ANKFY1: variants seen among roughly 807,000 people sequenced by gnomAD.
ANKFY1 encodes ankyrin repeat and FYVE domain containing 1, also known as ankyrin repeat and FYVE domain-containing protein 1.
In ANKFY1, 47 loss-of-function variants were observed where a neutral mutation model predicts 128.3. The observed-to-expected ratio is 0.37, with a 90% confidence interval of 0.29 to 0.47. ANKFY1 has a LOEUF of 0.47. Among genes scored for constraint, ANKFY1 ranks in the 20% least tolerant of loss-of-function variants. The probability of loss-of-function intolerance (pLI) is 1.00; values close to 1 mark genes in which losing one functional copy is unlikely to be tolerated. For missense variants in ANKFY1, 1,222 were observed against 1,510.6 expected, an observed-to-expected ratio of 0.81 and a Z score of 3.17; for synonymous variants, 553 against 601.6, an observed-to-expected ratio of 0.92 and a Z score of 1.18.
chr17:4,193,587 C>T (rs4790590), intron 10 of ANKFY1, among the ~76,000 whole-genome samples: 75,183 of 151,424 alleles, frequency 0.5, 20,838 homozygotes, highest in East Asian at 0.75. Context: ...CCATCACGCC[C>T]GGCTAATTTT....
intron 4 of ANKFY1, among the ~76,000 whole-genome samples, chr17:4,210,887 C>A (rs1213792761): frequency 1.3e-5 from 2 of 151,226 alleles, no homozygotes; most frequent in Non-Finnish European, 2.9e-5. Context: ...CAAAAATTAG[C>A]CGGGCATGGT....
At chr17:4,259,494 C>T (rs1019761123) in intron 1 of ANKFY1, among the ~76,000 whole-genome samples, 9 of 152,180 alleles carry the variant, frequency 5.9e-5, no homozygotes, top group Non-Finnish European at 1.3e-4. Flanking sequence ...GTTGGTCAGG[C>T]TGGTCTGGAA....
intron 1 of ANKFY1, among the ~76,000 whole-genome samples, chr17:4,257,515 A>C (rs1968190786): frequency 1.3e-5 from 2 of 152,012 alleles, no homozygotes; most frequent in African/African-American, 4.8e-5. Flanking sequence ...CCTCTCCTCA[A>C]TCTCATGTCC....
chr17:4,241,797 A>G (rs549314589), intron 2 of ANKFY1, among the ~76,000 whole-genome samples: 1 of 151,830 alleles, frequency 6.6e-6, no homozygotes, highest in Non-Finnish European at 1.5e-5. Flanking sequence ...AGAGACACAA[A>G]TCTTGCCTCG....
intron 3 of ANKFY1, chr17:4,223,256 C>T: frequency 1.2e-6 from 1 of 838,692 alleles, no homozygotes; most frequent in South Asian, 1.4e-5. Flanking sequence ...GGTGACACTG[C>T]CTTACATGAA....
intron 11 of ANKFY1, 80 bp downstream of exon 11, chr17:4,189,302 C>T (rs1598039557): frequency 2.4e-6 from 3 of 1,225,292 alleles, no homozygotes; most frequent in Admixed American, 4.5e-5. Context: ...ACCACCTATT[C>T]CCCTTTTTCC....
In ANKFY1 at chr17:4,165,197, C is replaced by CTGTT. The variant is rs1343096128; in HGVS notation, c.*2578_*2581dup. On this transcript the variant is annotated 3_prime_UTR_variant, in exon 25 of 25. Coordinates refer to ENST00000341657, the MANE Select transcript of ANKFY1 (RefSeq NM_001330063.2). ...TTTTAAAAACAACGACAACAAAAGA[C>CTGTT]TGTTAGGAATACACTGGATAATAAA... 2.6e-5 allele frequency: 4 copies of CTGTT among 152,190 alleles called. No homozygotes were observed. Among genetic ancestry groups the CTGTT allele is most frequent in the Admixed American group, 1.3e-4 (2 of 15,276 alleles). The allele number at this position is 152,190 out of a possible 1,614,324, so 9.4% of individuals were successfully genotyped here.
chr17:4,211,198 G>A (rs2060124007), intron 4 of ANKFY1, among the ~76,000 whole-genome samples: 1 of 151,940 alleles, frequency 6.6e-6, no homozygotes, highest in Non-Finnish European at 1.5e-5. Context: ...GAGCTCAGGA[G>A]GTCGTGACCA....
intron 10 of ANKFY1, chr17:4,194,319 C>T (rs1328509853): frequency 1.3e-5 from 2 of 150,932 alleles, no homozygotes; most frequent in Non-Finnish European, 2.9e-5. Flanking sequence ...AAAGGGGCCA[C>T]CCTGGTCTCA....
chr17:4,178,585 C>G lies in ANKFY1; in HGVS notation c.2598+272G>C, dbSNP rs188550989. ...ACCTAGCAAAAGCAAAGAATGAGCTCAACTGTACATGCCACAGAATTCCTA... is the reference window on the plus strand; with the variant it reads ...ACCTAGCAAAAGCAAAGAATGAGCTGAACTGTACATGCCACAGAATTCCTA... On this transcript the variant is annotated intron_variant, in intron 18 of 24. Coordinates refer to ENST00000341657, the MANE Select transcript of ANKFY1 (RefSeq NM_001330063.2). This position sits in a 1 kb window ranked among gnomAD's most constrained non-coding sequence, Gnocchi z 4.1. 1 of 505,284 alleles carries G rather than the reference C, an allele frequency of 2.0e-6. No homozygotes were observed. Among genetic ancestry groups the G allele is most frequent in the Admixed American group, 3.2e-5 (1 of 31,062 alleles). The allele number at this position is 505,284 out of a possible 1,614,324, so 31.3% of individuals were successfully genotyped here.
intron 3 of ANKFY1, among the ~76,000 whole-genome samples, chr17:4,227,648 T>C (rs1478948999): frequency 6.6e-6 from 1 of 152,124 alleles, no homozygotes; most frequent in African/African-American, 2.4e-5. Flanking sequence ...CTAAATTATA[T>C]ACAGAACTGT....
intron 3 of ANKFY1, among the ~76,000 whole-genome samples, chr17:4,220,422 C>T (rs1158665609): frequency 2.6e-5 from 4 of 152,202 alleles, no homozygotes; most frequent in African/African-American, 7.2e-5. Flanking sequence ...CAGCTCGTTC[C>T]TATCTGCTGA....
chr17:4,236,600 G>A (rs922026486), intron 2 of ANKFY1, among the ~76,000 whole-genome samples: 3 of 152,074 alleles, frequency 2.0e-5, no homozygotes, highest in African/African-American at 7.2e-5. Flanking sequence ...GAGCATCTGG[G>A]CAGTTAACAA....
intron 19 of ANKFY1, among the ~76,000 whole-genome samples, chr17:4,174,643 CAAAG>C (rs1231563805): frequency 2.0e-5 from 3 of 152,114 alleles, no homozygotes; most frequent in Admixed American, 2.0e-4. Flanking sequence ...AGCTGGGACT[CAAAG>C]AGAGACACTA....
chr17:4,210,426 C>T (rs1177128088), intron 4 of ANKFY1, among the ~76,000 whole-genome samples: 3 of 152,052 alleles, frequency 2.0e-5, no homozygotes, highest in Non-Finnish European at 2.9e-5. Flanking sequence ...AAAGCTCTCC[C>T]GGCTGGGTGC....
intron 6 of ANKFY1, among the ~76,000 whole-genome samples, chr17:4,207,090 T>C (rs978625215): frequency 5.9e-5 from 9 of 151,970 alleles, no homozygotes; most frequent in African/African-American, 2.2e-4. Context: ...GTATCCCAGA[T>C]TATCCAGGAG....
intron 2 of ANKFY1, among the ~76,000 whole-genome samples, chr17:4,240,686 C>G (rs902014489): frequency 6.6e-6 from 1 of 152,220 alleles, no homozygotes; most frequent in African/African-American, 2.4e-5. Context: ...GCCACTGCGC[C>G]CAGGCACATG....
intron 7 of ANKFY1, among the ~76,000 whole-genome samples, chr17:4,202,696 CAA>C (rs60561665): frequency 5.4e-5 from 4 of 74,742 alleles, no homozygotes; most frequent in East Asian, 1.0e-3. Context: ...AACTCCGTCT[CAA>C]AAAAAAAAAA....
intron 12 of ANKFY1, 29 bp from the exon 13 acceptor site, chr17:4,183,939 T>G (rs765531051): frequency 2.6e-6 from 4 of 1,560,940 alleles, no homozygotes; most frequent in African/African-American, 1.4e-5. Context: ...AAAAGAACAC[T>G]TGATGTCACC....
Sources: gnomAD v4.1 joint callset for allele counts (sites outside exome capture counted in the v4.1 genomes callset) on GRCh38, gnomAD v4.1.1 for gene constraint, Gnocchi (gnomAD v3.1) non-coding constraint, MANE v1.5 for transcripts, NCBI Gene and HGNC (gene_info 2026-07-23, HGNC 2026-07-21) for gene names.